PGBD2: variants seen among roughly 807,000 people sequenced by gnomAD.
PGBD2 encodes the protein piggyBac transposable element derived 2, also known as piggyBac transposable element-derived protein 2.
A neutral mutation model predicts 8.1 loss-of-function variants in PGBD2; 6 were observed. The ratio of observed to expected loss-of-function variants is 0.74; its 90% CI spans 0.40 to 1.46. PGBD2 has a LOEUF of 1.46. PGBD2 is among the 40% of genes most tolerant of loss of function. The pLI is 0.02. For missense variants in PGBD2, 802 were observed against 739.0 expected (o/e 1.09, Z -0.99); for synonymous variants, 318 against 272.2 (o/e 1.17, Z -1.66).
the PGBD2 span, among the ~76,000 whole-genome samples, chr1:248,929,325 A>G: frequency 1.3e-5 from 2 of 152,148 alleles, no homozygotes; most frequent in Non-Finnish European, 2.9e-5. Flanking sequence ...GTTCTTTAAT[A>G]TGAACATTTC....
chr1:248,872,872 C>G, the PGBD2 span, among the ~76,000 whole-genome samples: 1 of 152,220 alleles, frequency 6.6e-6, no homozygotes, highest in Non-Finnish European at 1.5e-5. Context: ...CATGAGCCAC[C>G]GCGCCCGGCT....
Position 248,918,258 on chromosome 1 carries a change from C to A in PGBD2, c.1674C>A (p.Asp558Glu). The part of the protein sequence containing the change: ...DMIGHWIIHQ[D>E]KRTRCALCHS... ...TTGGGCACTGGATTATCCATCAGGA[C>A]AAGAGGACCCGGTGTGCCCTCTGCC... is the stretch of plus-strand genomic sequence containing the variant. Residue 558 changes from aspartate (D) to glutamate (E), a missense_variant, in exon 3 of 3, where the codon GAC becomes GAA. Transcript: ENST00000329291. 1 of 1,613,050 alleles carries A rather than the reference C, an allele frequency of 6.2e-7. No homozygotes were observed. Among genetic ancestry groups the A allele is most frequent in the Non-Finnish European group, 8.5e-7 (1 of 1,179,396 alleles).
At chr1:248,886,043 T>A in the PGBD2 span, among the ~76,000 whole-genome samples, 3 of 151,946 alleles carry the variant, frequency 2.0e-5, no homozygotes, top group East Asian at 1.9e-4. Context: ...AAAAAAAAAA[T>A]AAGAAACGTG....
chr1:248,878,099 C>T, the PGBD2 span, among the ~76,000 whole-genome samples: 4 of 151,892 alleles, frequency 2.6e-5, no homozygotes, highest in Non-Finnish European at 1.5e-5. Flanking sequence ...CCATTGGCCA[C>T]GATGTTCTGT....
At chr1:248,916,017 T>G (rs1662084461) in intron 2 of PGBD2, among the ~76,000 whole-genome samples, 1 of 152,184 alleles carries the variant, frequency 6.6e-6, no homozygotes, top group Admixed American at 6.5e-5. Flanking sequence ...GATTCATCAC[T>G]AAAGGGACCC....
chr1:248,900,456 T>G, the PGBD2 span, among the ~76,000 whole-genome samples: 1 of 152,222 alleles, frequency 6.6e-6, no homozygotes, highest in Non-Finnish European at 1.5e-5. Context: ...AATCAATGTA[T>G]GTAATTCATC....
At chr1:248,922,892 C>T (rs1662315409), downstream of PGBD2, among the ~76,000 whole-genome samples, 1 of 152,188 alleles carries the variant, frequency 6.6e-6, no homozygotes, top group Non-Finnish European at 1.5e-5. Context: ...CGTTGATGTT[C>T]ATCAGGAATA....
chr1:248,928,536 C>T, the PGBD2 span, among the ~76,000 whole-genome samples: 2 of 152,120 alleles, frequency 1.3e-5, no homozygotes, highest in African/African-American at 4.8e-5. Context: ...TTTTCACTGT[C>T]TTTTGAAAAT....
the PGBD2 span, among the ~76,000 whole-genome samples, chr1:248,883,591 T>TC: frequency 7.4e-5 from 10 of 135,852 alleles, no homozygotes; most frequent in African/African-American, 2.6e-4. Context: ...TTTCTTTTTT[T>TC]TTTTTTTTTT....
chr1:248,913,578 A>C (rs1313941366), intron 1 of PGBD2, among the ~76,000 whole-genome samples: 2 of 152,094 alleles, frequency 1.3e-5, no homozygotes, highest in African/African-American at 2.4e-5. Context: ...AAGCCCCGCC[A>C]CCCCACAAGG....
chr1:248,921,249 T>A (rs1310318916), downstream of PGBD2, among the ~76,000 whole-genome samples: 1 of 152,240 alleles, frequency 6.6e-6, no homozygotes, highest in Non-Finnish European at 1.5e-5. Flanking sequence ...GCCCAGGGTT[T>A]CTTCTAGGAT....
the PGBD2 span, among the ~76,000 whole-genome samples, chr1:248,926,309 TTAA>T: frequency 6.6e-6 from 1 of 152,158 alleles, no homozygotes; most frequent in Non-Finnish European, 1.5e-5. Context: ...TACATTATTA[TTAA>T]TAAATTATAT....
the PGBD2 span, among the ~76,000 whole-genome samples, chr1:248,896,145 C>T: frequency 1.2e-4 from 18 of 152,066 alleles, no homozygotes; most frequent in Non-Finnish European, 2.6e-4. Context: ...AGTTACTTCA[C>T]TTAGAATAAT....
chr1:248,887,647 C>A, the PGBD2 span, among the ~76,000 whole-genome samples: 2 of 152,100 alleles, frequency 1.3e-5, no homozygotes, highest in Non-Finnish European at 2.9e-5. Context: ...AAGAAACTGG[C>A]TTGATGGAAG....
chr1:248,911,341 A>C (rs1661864307), intron 1 of PGBD2, among the ~76,000 whole-genome samples: 1 of 151,278 alleles, frequency 6.6e-6, no homozygotes, highest in Non-Finnish European at 1.5e-5. Flanking sequence ...CCTGCCTTCA[A>C]GCATCTGTTT....
chr1:248,916,100 A>C (rs921587019), intron 2 of PGBD2, among the ~76,000 whole-genome samples: 2 of 152,198 alleles, frequency 1.3e-5, no homozygotes, highest in African/African-American at 4.8e-5. Context: ...CCCATTGTTA[A>C]AATACTTCTG....
At chr1:248,908,679 C>T (rs1009117273) in intron 1 of PGBD2, among the ~76,000 whole-genome samples, 12 of 122,984 alleles carry the variant, frequency 9.8e-5, no homozygotes, top group African/African-American at 3.8e-4. Flanking sequence ...TTATGCTCTT[C>T]CTGTATTTTT....
At chr1:248,916,465 A>G (rs1008425937) in intron 2 of PGBD2, 137 bp from the exon 3 acceptor site, 2 of 685,778 alleles carry the variant, frequency 2.9e-6, no homozygotes, top group African/African-American at 1.8e-5. Flanking sequence ...TACTTACTAA[A>G]TGCGGTGCCT....
chr1:248,896,202 T>G, the PGBD2 span, among the ~76,000 whole-genome samples: 3 of 152,102 alleles, frequency 2.0e-5, no homozygotes, highest in African/African-American at 7.2e-5. Context: ...GCTTGCAGTT[T>G]TATGCAGTTT....
Sources: allele counts gnomAD v4.1 joint callset (sites outside exome capture counted in the v4.1 genomes callset), GRCh38; gene constraint gnomAD v4.1.1; transcripts MANE v1.5; gene names NCBI Gene and HGNC (gene_info 2026-07-23, HGNC 2026-07-21).